SETBP1: variants seen among roughly 807,000 people sequenced by gnomAD.
The protein encoded by SETBP1 is SET-binding protein.
In SETBP1, 9 loss-of-function variants were observed where a neutral mutation model predicts 101.0. That is an observed-to-expected ratio of 0.09 (90% CI 0.05 to 0.16). The LOEUF (loss-of-function observed/expected upper bound fraction) is 0.16. Ranked by LOEUF, SETBP1 falls within the 10% of genes least tolerant of loss-of-function variation. The probability of loss-of-function intolerance (pLI) is 1.00; values close to 1 mark genes in which losing one functional copy is unlikely to be tolerated. For missense variants in SETBP1, 1,858 were observed against 2,033.8 expected (o/e 0.91, Z 1.66); for synonymous variants, 818 against 788.5 (o/e 1.04, Z -0.63).
chr18:44,838,860 C>T (rs1198725847), intron 2 of SETBP1, among the ~76,000 whole-genome samples: 3 of 152,050 alleles, frequency 2.0e-5, no homozygotes, highest in Non-Finnish European at 2.9e-5. Flanking sequence ...ACCTTAATAA[C>T]GTAATGCCTG....
At chr18:44,897,514 C>G (rs994037322) in intron 3 of SETBP1, among the ~76,000 whole-genome samples, 1 of 152,120 alleles carries the variant, frequency 6.6e-6, no homozygotes, top group Non-Finnish European at 1.5e-5. Flanking sequence ...TGGGACACAT[C>G]GGGCTCATTT....
At chr18:44,855,295 T>C (rs2072953454) in intron 2 of SETBP1, among the ~76,000 whole-genome samples, 1 of 152,162 alleles carries the variant, frequency 6.6e-6, no homozygotes, top group Non-Finnish European at 1.5e-5. Context: ...TTTTATTTGT[T>C]TGTTTTTTGT....
At chr18:45,044,585 A>G (rs1434975321) in intron 5 of SETBP1, among the ~76,000 whole-genome samples, 1 of 152,162 alleles carries the variant, frequency 6.6e-6, no homozygotes, top group Non-Finnish European at 1.5e-5. Flanking sequence ...TGAACCTCCT[A>G]GAGCAGCTGA....
chr18:44,728,814 G>T (rs897555073), intron 2 of SETBP1, among the ~76,000 whole-genome samples: 1 of 152,168 alleles, frequency 6.6e-6, no homozygotes, highest in Non-Finnish European at 1.5e-5. Flanking sequence ...AGAGGCATGG[G>T]TGATGAAATG....
intron 3 of SETBP1, among the ~76,000 whole-genome samples, chr18:44,934,258 C>G (rs1358935985): frequency 6.6e-6 from 1 of 151,910 alleles, no homozygotes; most frequent in African/African-American, 2.4e-5. Context: ...AAGCGATTCT[C>G]CTGCCTCAGC....
intron 5 of SETBP1, among the ~76,000 whole-genome samples, chr18:45,053,921 GC>G (rs1315526841): frequency 6.6e-6 from 1 of 152,136 alleles, no homozygotes; most frequent in Admixed American, 6.6e-5. Flanking sequence ...AATATAAAGA[GC>G]CCTTTGAGAG....
intron 2 of SETBP1, among the ~76,000 whole-genome samples, chr18:44,816,002 A>G (rs1418340693): frequency 6.6e-6 from 1 of 152,220 alleles, no homozygotes; most frequent in Non-Finnish European, 1.5e-5. Context: ...CTTTTGCTGA[A>G]CAATAGTGAT....
Position 44,951,324 on chromosome 18 carries a change from A to G in SETBP1, c.1984A>G (p.Thr662Ala), listed in dbSNP as rs1007013648. ...VGKLGVLDKK[T>A]IKTINKMKTL... ...AAAGCTCGGCGTGTTGGATAAGAAG[A>G]CCATCAAAACTATCAATAAGATGAA... The change falls in exon 4 of 6, where the codon ACC becomes GCC. Residue 662 changes from threonine (T) to alanine (A), a missense_variant. By Grantham distance (58) the Thr-to-Ala change is moderately conservative. This residue lies in a region of SETBP1 where 111 missense variants were observed against 119.3 expected (regional missense o/e 0.93). Coordinates refer to ENST00000649279, the MANE Select transcript of SETBP1 (RefSeq NM_015559.3). This position sits in a 1 kb window ranked among gnomAD's most constrained non-coding sequence, Gnocchi z 7.8. 3 of 1,613,704 alleles carry G rather than the reference A, an allele frequency of 1.9e-6. No individual in the cohort carries two copies. The highest frequency in any genetic ancestry group is 2.5e-6 in the Non-Finnish European group (3 of 1,180,022).
At chr18:44,970,499 G>A (rs542655038) in intron 4 of SETBP1, among the ~76,000 whole-genome samples, 4 of 152,000 alleles carry the variant, frequency 2.6e-5, no homozygotes, top group Non-Finnish European at 4.4e-5. Context: ...TGTTTACAAC[G>A]ATTCTAGTTG....
intron 1 of SETBP1, among the ~76,000 whole-genome samples, chr18:44,685,721 C>T (rs1056717986): frequency 3.9e-5 from 6 of 152,140 alleles, no homozygotes; most frequent in African/African-American, 1.4e-4. Context: ...CATGCTGCCT[C>T]CTGGAAACTG....
intron 2 of SETBP1, among the ~76,000 whole-genome samples, chr18:44,726,828 G>A (rs934391904): frequency 6.6e-6 from 1 of 152,154 alleles, no homozygotes; most frequent in Admixed American, 6.5e-5. Flanking sequence ...AGCCCAAGAT[G>A]AAAGGGCTGG....
chr18:44,785,229 G>A (rs1049109657), intron 2 of SETBP1, among the ~76,000 whole-genome samples: 1 of 152,170 alleles, frequency 6.6e-6, no homozygotes, highest in Admixed American at 6.5e-5. Context: ...TCAAACTGCA[G>A]AGATTTTCTC....
intron 2 of SETBP1, among the ~76,000 whole-genome samples, chr18:44,714,644 T>C (rs1160944985): frequency 6.6e-6 from 1 of 151,496 alleles, no homozygotes; most frequent in Non-Finnish European, 1.5e-5. Context: ...GTGTGAGCGC[T>C]CTCCTATCCA....
intron 1 of SETBP1, among the ~76,000 whole-genome samples, chr18:44,694,124 A>C (rs1012929961): frequency 6.6e-6 from 1 of 152,184 alleles, no homozygotes; most frequent in African/African-American, 2.4e-5. Context: ...TAGTAGATGG[A>C]TGTTTACTCT....
intron 2 of SETBP1, among the ~76,000 whole-genome samples, chr18:44,740,163 G>T (rs928411339): frequency 1.6e-4 from 25 of 152,168 alleles, no homozygotes; most frequent in Admixed American, 2.6e-4. Flanking sequence ...GTGAGTCATA[G>T]GGCTCCAAGG....
intron 2 of SETBP1, among the ~76,000 whole-genome samples, chr18:44,791,915 C>T (rs1452217069): frequency 6.6e-6 from 1 of 152,152 alleles, no homozygotes; most frequent in East Asian, 1.9e-4. Flanking sequence ...TCTTCTTCTT[C>T]ATGACCTCCT....
intron 3 of SETBP1, among the ~76,000 whole-genome samples, chr18:44,880,938 G>A (rs1400948516): frequency 6.6e-6 from 1 of 152,186 alleles, no homozygotes; most frequent in Non-Finnish European, 1.5e-5. Flanking sequence ...AATACAGTCT[G>A]TGTGCTTCCA....
In SETBP1 at chr18:44,710,450, G is replaced by GTTT. The variant is rs11375634; in HGVS notation, c.486+8635_486+8637dup. On this transcript the variant is annotated intron_variant, in intron 2 of 5. Transcript: ENST00000649279. ...GGCCTTGAAGCCATGCATTTTAGGA[G>GTTT]TTTTTTTTTTTTTTTTTTTGAGATG... Among the ~76,000 whole-genome samples the GTTT allele has an allele frequency of 1.4e-3, 173 of 123,368 alleles. 6 individuals carry two copies. Among genetic ancestry groups the GTTT allele is most frequent in the African/African-American group, 2.4e-3 (79 of 32,502 alleles). The allele number at this position is 123,368 out of a possible 152,430, so 80.9% of individuals were successfully genotyped here. A position where few individuals can be genotyped will look rare whatever the true frequency, so the allele number is the denominator to read the frequency against.
In SETBP1 at chr18:44,953,021, G is replaced by A. The variant is rs377760121; in HGVS notation, c.3681G>A (p.Glu1227=). Residue 1227 remains glutamate (E), a synonymous_variant, in exon 4 of 6, where the codon GAG becomes GAA. Coordinates refer to ENST00000649279, the MANE Select transcript of SETBP1 (RefSeq NM_015559.3). ...AGHKASKNNF[E]VDTLSTLSLS... The stretch of plus-strand genomic sequence containing the variant: ...ACAAAGCTTCTAAGAACAACTTTGA[G>A]GTGGACACCCTGTCTACACTGTCAC... The A allele has an allele frequency of 4.3e-5, 70 of 1,614,072 alleles. 3 individuals are homozygous for A. In the East Asian group the frequency reaches 6.5e-4, roughly 15 times the overall value.
Sources: gnomAD v4.1 joint callset for allele counts (sites outside exome capture counted in the v4.1 genomes callset) on GRCh38, gnomAD v4.1.1 for gene constraint, gnomAD v4.1.1 regional missense constraint, Gnocchi (gnomAD v3.1) non-coding constraint, MANE v1.5 for transcripts, NCBI Gene and HGNC (gene_info 2026-07-23, HGNC 2026-07-21) for gene names.